PPFIBP1: variants seen among roughly 807,000 people sequenced by gnomAD.
PPFIBP1 encodes PPFIB scaffold protein 1.
Under a neutral mutation model 137.8 loss-of-function variants are expected in PPFIBP1, and 112 were observed. The observed-to-expected ratio is 0.81, with a 90% CI of 0.70 to 0.95. PPFIBP1 has a LOEUF of 0.95. Ranked by LOEUF, PPFIBP1 falls within the 40% of genes least tolerant of loss-of-function variation. The pLI is 0.00. For synonymous variants in PPFIBP1, 378 were observed against 417.3 expected, an observed-to-expected ratio of 0.91 and a Z score of 1.15; for missense variants, 1,083 against 1,196.6, an observed-to-expected ratio of 0.91 and a Z score of 1.40.
rs72418237 is a variant in PPFIBP1 at position 27,674,811 on chromosome 12, ATTTTT to A, written c.1410+607_1410+611del. On this transcript the variant is annotated intron_variant, in intron 17 of 29. Coordinates refer to ENST00000228425, the MANE Select transcript of PPFIBP1 (RefSeq NM_003622.4). ...ATGTGCTCAATTCTTCTTTCCCCTG[ATTTTT>A]TTTTTTTTTTTTTTTTGAAATGGTA... Among the ~76,000 whole-genome samples the A allele has an allele frequency of 6.6e-3, 715 of 108,706 alleles. 6 individuals are homozygous for A. The highest frequency in any genetic ancestry group is 0.021 in the African/African-American group (596 of 28,020). The allele number at this position is 108,706 out of a possible 152,430, so 71.3% of individuals were successfully genotyped here.
chr12:27,683,852 A>G (rs1207585941), intron 24 of PPFIBP1, among the ~76,000 whole-genome samples: 2 of 151,832 alleles, frequency 1.3e-5, no homozygotes, highest in African/African-American at 4.8e-5. Flanking sequence ...CAGTGGTGCG[A>G]TCTCGGCTCA....
At chr12:27,607,542 T>C (rs913242047) in intron 2 of PPFIBP1, among the ~76,000 whole-genome samples, 6 of 152,178 alleles carry the variant, frequency 3.9e-5, no homozygotes, top group Non-Finnish European at 7.3e-5. Context: ...AATACAGATT[T>C]CTGGGTCCCA....
At chr12:27,690,771 T>C (rs1168118872) in intron 27 of PPFIBP1, among the ~76,000 whole-genome samples, 1 of 152,210 alleles carries the variant, frequency 6.6e-6, no homozygotes, top group Non-Finnish European at 1.5e-5. Context: ...TTAGCTTCTC[T>C]GGCTTATGAT....
At chr12:27,526,318 A>G (rs925497091) in intron 1 of PPFIBP1, among the ~76,000 whole-genome samples, 1 of 152,142 alleles carries the variant, frequency 6.6e-6, no homozygotes, top group African/African-American at 2.4e-5. Flanking sequence ...GGACTTGAAT[A>G]TACCAAAACT....
intron 4 of PPFIBP1, among the ~76,000 whole-genome samples, chr12:27,638,374 G>C (rs565043016): frequency 6.6e-6 from 1 of 152,286 alleles, no homozygotes; most frequent in African/African-American, 2.4e-5. Flanking sequence ...TGAATGATAA[G>C]GCAGGATTGT....
At chr12:27,555,390 T>C (rs1027336485) in intron 1 of PPFIBP1, among the ~76,000 whole-genome samples, 18 of 152,238 alleles carry the variant, frequency 1.2e-4, no homozygotes, top group African/African-American at 4.3e-4. Flanking sequence ...TTGTTCTTTA[T>C]TTTCTGCAGA....
intron 1 of PPFIBP1, among the ~76,000 whole-genome samples, chr12:27,555,898 C>T (rs1426235102): frequency 1.3e-5 from 2 of 152,020 alleles, no homozygotes; most frequent in African/African-American, 4.8e-5. Context: ...AGAGACTTTG[C>T]ATAAAAAAAG....
chr12:27,614,685 A>G (rs1302983207), intron 2 of PPFIBP1, among the ~76,000 whole-genome samples: 1 of 152,198 alleles, frequency 6.6e-6, no homozygotes, highest in Non-Finnish European at 1.5e-5. Context: ...TCAAACAGGC[A>G]GAAAAAGAAA....
At chr12:27,543,679 A>C (rs1945903429) in intron 1 of PPFIBP1, among the ~76,000 whole-genome samples, 1 of 152,190 alleles carries the variant, frequency 6.6e-6, no homozygotes, top group East Asian at 1.9e-4. Context: ...TGAAATTTAC[A>C]TGATTTCTAA....
Position 27,689,134 on chromosome 12 carries a change from A to G in PPFIBP1, c.2616A>G (p.Ala872=). The G allele has an allele frequency of 6.2e-7, 1 of 1,600,640 alleles. No individual in the cohort carries two copies. Among genetic ancestry groups the G allele is most frequent in the Non-Finnish European group, 8.5e-7 (1 of 1,176,652 alleles). ...TCAACCTTCTGATTGGGGCTGAGGC[A>G]CAGCACCAGAAGCGAGATGCCATGG... is the stretch of plus-strand genomic sequence containing the variant. ...THFNLLIGAE[A]QHQKRDAMEL... is the part of the protein sequence containing the mutation. The change falls in exon 27 of 30, where the codon GCA becomes GCG. Residue 872 remains alanine (A), a synonymous_variant. Coordinates refer to ENST00000228425, the MANE Select transcript of PPFIBP1 (RefSeq NM_003622.4).
At chr12:27,602,939 G>C (rs2216978) in intron 2 of PPFIBP1, among the ~76,000 whole-genome samples, 133,672 of 152,146 alleles carry the variant, frequency 0.88, 58,821 homozygotes, top group Middle Eastern at 0.95. Context: ...TCTCCAATAT[G>C]CTGTGGCCAG....
At chr12:27,672,896 C>G (rs887204477) in intron 15 of PPFIBP1, among the ~76,000 whole-genome samples, 3 of 152,098 alleles carry the variant, frequency 2.0e-5, no homozygotes, top group Non-Finnish European at 4.4e-5. Flanking sequence ...GACCTAATAT[C>G]TGTGTTTATC....
chr12:27,545,658 A>G (rs1006201693), intron 1 of PPFIBP1, among the ~76,000 whole-genome samples: 4 of 152,214 alleles, frequency 2.6e-5, no homozygotes, highest in African/African-American at 9.7e-5. Context: ...AGAAATCTCC[A>G]TGTGATCTCT....
chr12:27,532,671 G>A (rs1253138652), intron 1 of PPFIBP1, among the ~76,000 whole-genome samples: 1 of 152,124 alleles, frequency 6.6e-6, no homozygotes, highest in East Asian at 1.9e-4. Context: ...GTCTTAAAGG[G>A]TGGGGAGGAG....
intron 7 of PPFIBP1, among the ~76,000 whole-genome samples, chr12:27,654,112 T>G (rs2059048348): frequency 6.6e-6 from 1 of 152,242 alleles, no homozygotes; most frequent in South Asian, 2.1e-4. Context: ...GATTTGACTA[T>G]TCTCATGTTC....
intron 2 of PPFIBP1, among the ~76,000 whole-genome samples, chr12:27,623,632 C>A (rs1446970519): frequency 6.6e-6 from 1 of 152,014 alleles, no homozygotes; most frequent in Admixed American, 6.5e-5. Flanking sequence ...CACTTGAGCC[C>A]AGAAGGTCAA....
chr12:27,605,511 TAAAAAG>T lies in PPFIBP1; in HGVS notation c.-36+27276_-36+27281del, dbSNP rs1202759575. 2.6e-5 allele frequency among the ~76,000 whole-genome samples: 4 copies of T among 152,256 alleles called. No individual in the cohort carries two copies. In the East Asian group the frequency reaches 7.7e-4, roughly 29 times the overall value. ...TTTTATTTTTCTATAGGTAAATTTT[TAAAAAG>T]AAAGAGACATAGGAATAGGTAAAAT... On this transcript the variant is annotated intron_variant, in intron 2 of 29. Coordinates refer to ENST00000228425, the MANE Select transcript of PPFIBP1 (RefSeq NM_003622.4).
At chr12:27,639,609 T>C (rs1341157669) in intron 4 of PPFIBP1, among the ~76,000 whole-genome samples, 1 of 152,240 alleles carries the variant, frequency 6.6e-6, no homozygotes. Context: ...AGTGAAATAC[T>C]AATGGTGAAT....
intron 4 of PPFIBP1, among the ~76,000 whole-genome samples, chr12:27,639,897 G>A (rs1238791807): frequency 6.6e-6 from 1 of 152,144 alleles, no homozygotes; most frequent in African/African-American, 2.4e-5. Context: ...CCAGCCCCAC[G>A]AAGCAGTCCC....
Sources: gnomAD v4.1 joint callset for allele counts (sites outside exome capture counted in the v4.1 genomes callset) on GRCh38, gnomAD v4.1.1 for gene constraint, MANE v1.5 for transcripts, NCBI Gene and HGNC (gene_info 2026-07-23, HGNC 2026-07-21) for gene names.